Variants in CRPPA observed in about 807,000 individuals in gnomAD.
The protein encoded by CRPPA is CDP-L-ribitol pyrophosphorylase A.
In CRPPA, 43 loss-of-function variants were observed where a neutral mutation model predicts 52.0. That is an observed-to-expected ratio of 0.83 (90% CI 0.65 to 1.07). The LOEUF is 1.07. CRPPA is among the 50% of genes least tolerant of loss of function. The pLI is 0.00. For missense variants in CRPPA, 629 were observed against 551.7 expected (o/e 1.14, Z -1.40); for synonymous variants, 250 against 203.5 (o/e 1.23, Z -1.94).
At chr7:16,372,609 C>T (rs1479458331) in intron 3 of CRPPA, among the ~76,000 whole-genome samples, 1 of 152,112 alleles carries the variant, frequency 6.6e-6, no homozygotes, top group African/African-American at 2.4e-5. Flanking sequence ...ATAAACCTCA[C>T]AGGGTCTATA....
At chr7:16,378,322 C>T (rs1786962926) in intron 2 of CRPPA, among the ~76,000 whole-genome samples, 1 of 142,618 alleles carries the variant, frequency 7.0e-6, no homozygotes, top group African/African-American at 2.6e-5. Context: ...CATGTGTTCC[C>T]ATTGTTCAAT....
Position 16,199,078 on chromosome 7 carries a change from G to A in CRPPA, c.1251+16988C>T, listed in dbSNP as rs75469503. ...GACCAACCCTTTGTAATTTTTTACT[G>A]GAGTGCTGCTCTCTCCCAGACTTCC... On this transcript the variant is annotated intron_variant, in intron 9 of 9. Transcript: ENST00000407010. 6.7e-3 allele frequency among the ~76,000 whole-genome samples: 1,014 copies of A among 152,166 alleles called. 12 individuals are homozygous for A. Among genetic ancestry groups the A allele is most frequent in the African/African-American group, 0.023 (962 of 41,520 alleles).
At chr7:16,252,832 G>T (rs2128410324) in intron 8 of CRPPA, among the ~76,000 whole-genome samples, 1 of 152,192 alleles carries the variant, frequency 6.6e-6, no homozygotes, top group Admixed American at 6.5e-5. Context: ...CTTTAGCCTT[G>T]GGAGGGTGTA....
intron 1 of CRPPA, among the ~76,000 whole-genome samples, chr7:16,415,743 C>T (rs1788177834): frequency 1.3e-5 from 2 of 152,184 alleles, no homozygotes; most frequent in African/African-American, 4.8e-5. Flanking sequence ...TTATCTGCTG[C>T]ACTTCCTCTC....
At chr7:16,198,888 T>C (rs1382081602) in intron 9 of CRPPA, among the ~76,000 whole-genome samples, 1 of 152,098 alleles carries the variant, frequency 6.6e-6, no homozygotes, top group Non-Finnish European at 1.5e-5. Flanking sequence ...GTAAGAACTG[T>C]AGAACTTCCA....
chr7:16,115,983 C>T (rs1234547265), intron 9 of CRPPA, among the ~76,000 whole-genome samples: 5 of 152,122 alleles, frequency 3.3e-5, no homozygotes, highest in Non-Finnish European at 7.4e-5. Flanking sequence ...TAAAAAACCA[C>T]TAAGTGACAA....
intron 8 of CRPPA, among the ~76,000 whole-genome samples, chr7:16,237,997 A>C (rs1782996939): frequency 6.6e-6 from 1 of 152,206 alleles, no homozygotes; most frequent in African/African-American, 2.4e-5. Flanking sequence ...CACCTAGCTA[A>C]ATTTCTCAAA....
chr7:16,120,361 C>T (rs1359778330), intron 9 of CRPPA, among the ~76,000 whole-genome samples: 4 of 152,138 alleles, frequency 2.6e-5, no homozygotes, highest in African/African-American at 9.7e-5. Context: ...CCCTGGTCTG[C>T]CTTCAATAAG....
At chr7:16,215,484 G>C (rs951257337) in intron 9 of CRPPA, among the ~76,000 whole-genome samples, 7 of 152,168 alleles carry the variant, frequency 4.6e-5, no homozygotes, top group Admixed American at 4.6e-4. Flanking sequence ...CTAACATGCA[G>C]CTATTAAAGA....
chr7:16,344,470 TGGATCACTTGAGCCTGGAAGTTCAA>T (rs1785954510), intron 3 of CRPPA, among the ~76,000 whole-genome samples: 1 of 148,096 alleles, frequency 6.8e-6, no homozygotes, highest in African/African-American at 2.5e-5. Context: ...CCTACTTGAG[TGGATCACTTGAGCCTGGAAGTTCAA>T]GGCTACAGTG....
At chr7:16,305,824 G>A (rs1304098064) in intron 4 of CRPPA, among the ~76,000 whole-genome samples, 1 of 152,228 alleles carries the variant, frequency 6.6e-6, no homozygotes, top group Non-Finnish European at 1.5e-5. Flanking sequence ...GGAGGTTGCA[G>A]TGAGCCAAGA....
intron 9 of CRPPA, among the ~76,000 whole-genome samples, chr7:16,177,304 A>G (rs1562540990): frequency 1.3e-5 from 2 of 152,134 alleles, no homozygotes; most frequent in Non-Finnish European, 2.9e-5. Context: ...GTGAGTTTTA[A>G]AACTAAAAAA....
intron 9 of CRPPA, among the ~76,000 whole-genome samples, chr7:16,171,862 T>C (rs781230599): frequency 1.2e-4 from 18 of 152,160 alleles, no homozygotes; most frequent in Admixed American, 3.9e-4. Context: ...ACACTTCCAG[T>C]ATATATTTTA....
intron 4 of CRPPA, among the ~76,000 whole-genome samples, chr7:16,301,923 C>T (rs531922578): frequency 3.9e-5 from 6 of 152,252 alleles, no homozygotes; most frequent in Admixed American, 2.0e-4. Context: ...TTACATATAT[C>T]CGTATGAACC....
At chr7:16,287,342 C>A (rs1784472200) in intron 5 of CRPPA, among the ~76,000 whole-genome samples, 1 of 152,106 alleles carries the variant, frequency 6.6e-6, no homozygotes, top group African/African-American at 2.4e-5. Context: ...TTCTCTTCCA[C>A]AAGATCACAA....
intron 9 of CRPPA, among the ~76,000 whole-genome samples, chr7:16,125,444 T>C (rs1782559702): frequency 6.6e-6 from 1 of 152,054 alleles, no homozygotes; most frequent in African/African-American, 2.4e-5. Flanking sequence ...TAAAAACAGC[T>C]TGTTTCTTTA....
chr7:16,232,609 G>A (rs2128403452), intron 8 of CRPPA, among the ~76,000 whole-genome samples: 1 of 152,216 alleles, frequency 6.6e-6, no homozygotes, highest in East Asian at 1.9e-4. Flanking sequence ...ATAATTTACA[G>A]GGCATTAGGT....
At chr7:16,345,754 T>C (rs58887172) in intron 3 of CRPPA, among the ~76,000 whole-genome samples, 34,789 of 148,852 alleles carry the variant, frequency 0.23, 4,347 homozygotes, top group Non-Finnish European at 0.3. Flanking sequence ...TCACTCTCAG[T>C]CCTTTAGAGT....
intron 9 of CRPPA, among the ~76,000 whole-genome samples, chr7:16,152,087 G>C (rs1783086231): frequency 6.6e-6 from 1 of 151,848 alleles, no homozygotes; most frequent in South Asian, 2.1e-4. Context: ...ACCACAAATA[G>C]AGAATGATTA....
Sources: gnomAD v4.1 joint callset for allele counts (sites outside exome capture counted in the v4.1 genomes callset) on GRCh38, gnomAD v4.1.1 for gene constraint, MANE v1.5 for transcripts, NCBI Gene and HGNC (gene_info 2026-07-23, HGNC 2026-07-21) for gene names.